Variants in RPS6KC1 observed in about 807,000 individuals in gnomAD.
RPS6KC1 encodes inactive ribosomal protein S6 kinase delta-1.
Under a neutral mutation model 103.8 loss-of-function variants are expected in RPS6KC1, and 54 were observed. That is an observed-to-expected ratio of 0.52 (90% CI 0.42 to 0.65). RPS6KC1 has a LOEUF of 0.65. Among genes scored for constraint, RPS6KC1 ranks in the 30% least tolerant of loss-of-function variants. RPS6KC1 has a pLI of 0.00. For missense variants in RPS6KC1, 1,151 were observed against 1,253.8 expected (o/e 0.92, Z 1.24); for synonymous variants, 439 against 438.7 (o/e 1.00, Z -0.01).
chr1:213,386,409 T>G, the RPS6KC1 span, among the ~76,000 whole-genome samples: 1 of 152,222 alleles, frequency 6.6e-6, no homozygotes, highest in African/African-American at 2.4e-5. Context: ...CAAAGTGGGT[T>G]GTTACCGTAC....
the RPS6KC1 span, among the ~76,000 whole-genome samples, chr1:213,524,320 G>A: frequency 2.6e-5 from 4 of 151,826 alleles, no homozygotes; most frequent in African/African-American, 9.7e-5. Flanking sequence ...TCTTACCCCA[G>A]CCCAGGCAGC....
the RPS6KC1 span, among the ~76,000 whole-genome samples, chr1:213,785,292 C>T: frequency 2.3e-4 from 35 of 152,150 alleles, no homozygotes; most frequent in African/African-American, 8.2e-4. Context: ...GGTGCTCGTT[C>T]CTGGACACCT....
intron 8 of RPS6KC1, among the ~76,000 whole-genome samples, chr1:213,202,628 A>G (rs893681211): frequency 1.1e-4 from 16 of 142,004 alleles, no homozygotes; most frequent in Non-Finnish European, 2.1e-4. Flanking sequence ...CAAAAAACAA[A>G]CCAACAAACA....
chr1:213,144,522 G>A (rs189842478), intron 6 of RPS6KC1, among the ~76,000 whole-genome samples: 179 of 152,042 alleles, frequency 1.2e-3, no homozygotes, highest in African/African-American at 3.2e-3. Flanking sequence ...CACAGTGCTG[G>A]GATTATAGGT....
the RPS6KC1 span, among the ~76,000 whole-genome samples, chr1:213,635,029 G>T: frequency 6.6e-6 from 1 of 152,070 alleles, no homozygotes; most frequent in Non-Finnish European, 1.5e-5. Context: ...TAGAACAAAT[G>T]GATAAATTCC....
At chr1:213,770,590 C>A in the RPS6KC1 span, among the ~76,000 whole-genome samples, 2 of 152,102 alleles carry the variant, frequency 1.3e-5, no homozygotes, top group Non-Finnish European at 2.9e-5. Context: ...TCGTAACAAC[C>A]CAACAAGGCA....
At chr1:213,858,185 A>G in the RPS6KC1 span, among the ~76,000 whole-genome samples, 6 of 152,242 alleles carry the variant, frequency 3.9e-5, no homozygotes, top group East Asian at 1.9e-4. Context: ...AGCTTACTCC[A>G]TGCCAGTTAC....
intron 3 of RPS6KC1, among the ~76,000 whole-genome samples, chr1:213,078,541 A>G (rs1301967422): frequency 6.6e-6 from 1 of 152,070 alleles, no homozygotes; most frequent in Non-Finnish European, 1.5e-5. Flanking sequence ...AGTTGGGATT[A>G]CAGGCGTCTG....
chr1:213,369,956 G>T, the RPS6KC1 span, among the ~76,000 whole-genome samples: 1 of 152,184 alleles, frequency 6.6e-6, no homozygotes, highest in Non-Finnish European at 1.5e-5. Context: ...AAACCCTCTA[G>T]GCCAGCGTGT....
At chr1:213,706,722 CA>C in the RPS6KC1 span, among the ~76,000 whole-genome samples, 1 of 152,166 alleles carries the variant, frequency 6.6e-6, no homozygotes, top group Non-Finnish European at 1.5e-5. Flanking sequence ...TGACAGGCCC[CA>C]GTGTGTGTTG....
At chr1:213,563,191 T>C in the RPS6KC1 span, among the ~76,000 whole-genome samples, 1 of 152,206 alleles carries the variant, frequency 6.6e-6, no homozygotes, top group African/African-American at 2.4e-5. Flanking sequence ...ATTTTCCTGA[T>C]AAATTGTCCT....
the RPS6KC1 span, among the ~76,000 whole-genome samples, chr1:213,593,345 A>G: frequency 6.6e-6 from 1 of 152,096 alleles, no homozygotes; most frequent in African/African-American, 2.4e-5. Flanking sequence ...TTGAGGGTGG[A>G]TTTTCAAAGT....
In RPS6KC1 at chr1:213,268,710, GC is replaced by G. The variant is rs756812841; in HGVS notation, c.3091-3813del. ...TGACAATAATAGACAAAGGAAGGGG[GC>G]TATGGTAGAGCAAAGTTTCTACCTT... is the stretch of plus-strand genomic sequence containing the variant. On this transcript the variant is annotated intron_variant, in intron 14 of 14. Coordinates refer to ENST00000366960, the MANE Select transcript of RPS6KC1 (RefSeq NM_012424.6). Among the ~76,000 whole-genome samples, 24 of 150,994 alleles carry G rather than the reference GC, an allele frequency of 1.6e-4. No homozygotes were observed. The East Asian group carries it at 4.6e-3, about 29-fold the overall frequency.
At chr1:213,844,466 A>G in the RPS6KC1 span, among the ~76,000 whole-genome samples, 1 of 152,234 alleles carries the variant, frequency 6.6e-6, no homozygotes, top group Admixed American at 6.5e-5. Flanking sequence ...TATTATTAGT[A>G]TTCCTTATTA....
At chr1:213,857,785 T>C in the RPS6KC1 span, among the ~76,000 whole-genome samples, 1 of 152,220 alleles carries the variant, frequency 6.6e-6, no homozygotes, top group Non-Finnish European at 1.5e-5. Flanking sequence ...ATCTGGGCCC[T>C]GGCCTGGTTC....
chr1:213,101,955 A>G (rs1328072878), intron 3 of RPS6KC1, among the ~76,000 whole-genome samples: 1 of 152,172 alleles, frequency 6.6e-6, no homozygotes, highest in African/African-American at 2.4e-5. Flanking sequence ...AATTGGTTTT[A>G]CCTATTGGGG....
At chr1:213,294,411 TC>T in the RPS6KC1 span, among the ~76,000 whole-genome samples, 30 of 152,146 alleles carry the variant, frequency 2.0e-4, no homozygotes, top group Admixed American at 3.3e-4. Context: ...TGTTCGCTCC[TC>T]CAAATACATA....
chr1:213,554,830 A>G, the RPS6KC1 span, among the ~76,000 whole-genome samples: 1 of 152,178 alleles, frequency 6.6e-6, no homozygotes, highest in Non-Finnish European at 1.5e-5. Flanking sequence ...TCTAGAGTCT[A>G]TCTTTTAATA....
At chr1:213,156,159 T>G (rs2173398) in intron 6 of RPS6KC1, among the ~76,000 whole-genome samples, 111,078 of 152,030 alleles carry the variant, frequency 0.73, 41,428 homozygotes, top group African/African-American at 0.88. Flanking sequence ...TGGAGACATG[T>G]AAGAATTACA....
Sources: gnomAD v4.1 joint callset for allele counts (sites outside exome capture counted in the v4.1 genomes callset) on GRCh38, gnomAD v4.1.1 for gene constraint, MANE v1.5 for transcripts, NCBI Gene and HGNC (gene_info 2026-07-23, HGNC 2026-07-21) for gene names.